The following ACSL3 variants were observed in gnomAD, a reference collection of about 807,000 sequenced individuals.
The protein encoded by ACSL3 is acyl-CoA synthetase long chain family member 3.
A neutral mutation model predicts 84.7 loss-of-function variants in ACSL3; 34 were observed. The observed-to-expected ratio is 0.40, with a 90% CI of 0.31 to 0.53. The LOEUF (loss-of-function observed/expected upper bound fraction) is 0.53. Ranked by LOEUF, ACSL3 falls within the 20% of genes least tolerant of loss-of-function variation. ACSL3 has a pLI of 0.48. For missense variants in ACSL3, 680 were observed against 873.1 expected (o/e 0.78, Z 2.79); for synonymous variants, 315 against 299.4 (o/e 1.05, Z -0.54).
At chr2:222,937,415 A>G (rs189639248) in intron 16 of ACSL3, among the ~76,000 whole-genome samples, 1 of 152,208 alleles carries the variant, frequency 6.6e-6, no homozygotes, top group East Asian at 1.9e-4. Flanking sequence ...GAAGTCTCCT[A>G]CTATTATTGT....
At chr2:222,905,344 A>G (rs1267183343) in intron 3 of ACSL3, among the ~76,000 whole-genome samples, 4 of 152,040 alleles carry the variant, frequency 2.6e-5, no homozygotes, top group East Asian at 3.9e-4. Flanking sequence ...TCTTTTTTGT[A>G]GAGATGAGGT....
intron 3 of ACSL3, chr2:222,904,511 T>G (rs1696241834): frequency 6.6e-6 from 1 of 152,348 alleles, no homozygotes; most frequent in South Asian, 2.1e-4. Context: ...GGCATTAGCA[T>G]AGGTCATAGT....
Position 222,872,141 on chromosome 2 carries a change from TG to T in ACSL3, c.-207+10884del, listed in dbSNP as rs201495040. Among the ~76,000 whole-genome samples, 928 of 152,350 alleles carry T rather than the reference TG, an allele frequency of 6.1e-3. 4 individuals carry two copies. The highest frequency in any genetic ancestry group is 0.022 in the African/African-American group (894 of 41,570). On this transcript the variant is annotated intron_variant, in intron 1 of 16. Coordinates refer to ENST00000357430, the MANE Select transcript of ACSL3 (RefSeq NM_004457.5). The stretch of plus-strand genomic sequence containing the variant: ...AGACAATTAATTTTTTGTTTTATTT[TG>T]AGACGGAGTTTCGCTCTTGTTGCTC...
chr2:222,905,710 T>C (rs1312670589), intron 3 of ACSL3, among the ~76,000 whole-genome samples: 3 of 152,168 alleles, frequency 2.0e-5, no homozygotes, highest in Non-Finnish European at 4.4e-5. Context: ...ACACAATACA[T>C]TGTCAAAGAA....
In ACSL3 at chr2:222,916,368, G is replaced by C; in HGVS notation, c.428G>C (p.Arg143Pro). Residue 143 changes from arginine (R) to proline (P), a missense_variant, in exon 5 of 17, where the codon CGA becomes CCA. Coordinates refer to ENST00000357430, the MANE Select transcript of ACSL3 (RefSeq NM_004457.5). ...CTTTCCTATGAAGATGTCTTTGTTC[G>C]AGCCTTTAATTTTGGAAATGGATTA... is the stretch of plus-strand genomic sequence containing the variant. ...NWLSYEDVFV[R>P]AFNFGNGLQM... 1 of 1,613,580 alleles carries C rather than the reference G, an allele frequency of 6.2e-7. No homozygotes were observed. The highest frequency in any genetic ancestry group is 8.5e-7 in the Non-Finnish European group (1 of 1,179,764).
intron 7 of ACSL3, chr2:222,920,836 C>T: frequency 2.6e-6 from 1 of 377,932 alleles, no homozygotes; most frequent in South Asian, 2.2e-5. Flanking sequence ...AGCCACACTC[C>T]TTGCTGGTCT....
Position 222,920,103 on chromosome 2 carries a change from G to T in ACSL3, c.805+901G>T, listed in dbSNP as rs1395991307. 3.3e-5 allele frequency among the ~76,000 whole-genome samples: 5 copies of T among 152,100 alleles called. No individual in the cohort carries two copies. The East Asian group carries it at 7.7e-4, about 23-fold the overall frequency. ...TGGTGAGTCATCAGCAGGATCAGGG[G>T]CTGCATGCAGAGGTCAGATGACACA... On this transcript the variant is annotated intron_variant, in intron 7 of 16. Transcript: ENST00000357430.
rs914921088 is a variant in ACSL3, at chr2:222,944,154, A to G, written c.*2500A>G. Reference sequence around the variant, plus strand: ...AACCTGAAAGTAGTATCTACTTTCTAAATACTACTTTGCTTTTCAGTAGTG... The same window carrying G: ...AACCTGAAAGTAGTATCTACTTTCTGAATACTACTTTGCTTTTCAGTAGTG... On this transcript the variant is annotated 3_prime_UTR_variant, in exon 17 of 17. Coordinates refer to ENST00000357430, the MANE Select transcript of ACSL3 (RefSeq NM_004457.5). 4 of 152,122 alleles carry G rather than the reference A, an allele frequency of 2.6e-5. No homozygotes were observed. Among genetic ancestry groups the G allele is most frequent in the Non-Finnish European group, 5.9e-5 (4 of 67,980 alleles). The allele number at this position is 152,122 out of a possible 1,614,324, so 9.4% of individuals were successfully genotyped here. A position where few individuals can be genotyped will look rare whatever the true frequency, so the allele number is the denominator to read the frequency against.
chr2:222,881,579 C>CG (rs1695592603), intron 1 of ACSL3, among the ~76,000 whole-genome samples: 1 of 152,276 alleles, frequency 6.6e-6, no homozygotes, highest in African/African-American at 2.4e-5. Context: ...TGCAATGGTG[C>CG]GATCTTGGTT....
intron 1 of ACSL3, among the ~76,000 whole-genome samples, chr2:222,873,834 G>C (rs1346571241): frequency 6.6e-6 from 1 of 152,156 alleles, no homozygotes; most frequent in Non-Finnish European, 1.5e-5. Flanking sequence ...GCAAATGGAA[G>C]TTCTCAAGTA....
chr2:222,883,521 A>G (rs945372514), intron 1 of ACSL3, among the ~76,000 whole-genome samples: 1 of 152,120 alleles, frequency 6.6e-6, no homozygotes, highest in Non-Finnish European at 1.5e-5. Context: ...GGATATTCTT[A>G]TACTCTGAGC....
intron 8 of ACSL3, among the ~76,000 whole-genome samples, chr2:222,922,403 T>G (rs1287349060): frequency 6.6e-6 from 1 of 152,272 alleles, no homozygotes; most frequent in Non-Finnish European, 1.5e-5. Flanking sequence ...CTCAGTACTT[T>G]GCTTCAGCAA....
chr2:222,877,813 G>A (rs1213055793), intron 1 of ACSL3, among the ~76,000 whole-genome samples: 5 of 152,208 alleles, frequency 3.3e-5, no homozygotes, highest in Non-Finnish European at 7.3e-5. Context: ...ATTGGGAGCT[G>A]TGTATTTAAG....
chr2:222,867,299 C>T (rs767811942), intron 1 of ACSL3, among the ~76,000 whole-genome samples: 19 of 152,132 alleles, frequency 1.2e-4, no homozygotes, highest in African/African-American at 3.1e-4. Flanking sequence ...AAAATATTGA[C>T]GCACTTTCTG....
chr2:222,895,368 TTCCTC>T (rs1408739620), intron 2 of ACSL3, among the ~76,000 whole-genome samples: 1 of 152,190 alleles, frequency 6.6e-6, no homozygotes, highest in Non-Finnish European at 1.5e-5. Context: ...GCATAATACT[TTCCTC>T]TGCTGGTTCA....
At chr2:222,918,588 G>A (rs1474012014) in intron 6 of ACSL3, among the ~76,000 whole-genome samples, 1 of 150,296 alleles carries the variant, frequency 6.7e-6, no homozygotes, top group African/African-American at 2.4e-5. Flanking sequence ...GAGTTTCTTT[G>A]GTCTCTAGAC....
intron 4 of ACSL3, among the ~76,000 whole-genome samples, chr2:222,912,083 C>T (rs10498144): frequency 0.31 from 47,572 of 152,150 alleles, 7,678 homozygotes; most frequent in Admixed American, 0.41. Context: ...GTCTTGGGAA[C>T]ATGTTATAGT....
At chr2:222,917,122 A>C (rs904683162) in intron 5 of ACSL3, among the ~76,000 whole-genome samples, 1 of 151,790 alleles carries the variant, frequency 6.6e-6, no homozygotes, top group Admixed American at 6.6e-5. Context: ...ATGGAGTCTC[A>C]CTCTGTCGCC....
chr2:222,940,657 T>C (rs1697280022), intron 16 of ACSL3, among the ~76,000 whole-genome samples: 1 of 152,220 alleles, frequency 6.6e-6, no homozygotes, highest in Non-Finnish European at 1.5e-5. Flanking sequence ...TGTGTTACAA[T>C]TACCTATGGT....
Sources: allele counts gnomAD v4.1 joint callset (sites outside exome capture counted in the v4.1 genomes callset), GRCh38; gene constraint gnomAD v4.1.1; transcripts MANE v1.5; gene names NCBI Gene and HGNC (gene_info 2026-07-23, HGNC 2026-07-21).